Variants in CLSTN2 observed in about 807,000 individuals in gnomAD.
CLSTN2 encodes calsyntenin-2.
CLSTN2 carries 48 observed loss-of-function variants against 101.2 expected under a neutral mutation model. The ratio of observed to expected loss-of-function variants is 0.47; its 90% CI spans 0.38 to 0.60. CLSTN2 has a LOEUF of 0.60. Ranked by LOEUF, CLSTN2 falls within the 20% of genes least tolerant of loss-of-function variation. The pLI is 0.00. For missense variants in CLSTN2, 1,160 were observed against 1,238.2 expected, an observed-to-expected ratio of 0.94 and a Z score of 0.95; for synonymous variants, 481 against 463.6, an observed-to-expected ratio of 1.04 and a Z score of -0.48.
At chr3:139,983,441 A>G (rs1935967702) in intron 1 of CLSTN2, among the ~76,000 whole-genome samples, 1 of 152,136 alleles carries the variant, frequency 6.6e-6, no homozygotes, top group African/African-American at 2.4e-5. Context: ...TTAATTCACT[A>G]TCATAAGGTT....
In CLSTN2 at chr3:140,564,032, G is replaced by A; in HGVS notation, c.2554G>A (p.Val852Met). ...CMLVFVVAMG[V>M]YRVRIAHQHF... ...GCTTGTGTTTGTCGTGGCCATGGGT[G>A]TGTACCGGGTCCGGATCGCCCACCA... The change falls in exon 16 of 17, where the codon GTG becomes ATG. Residue 852 changes from valine to methionine, a missense_variant. By Grantham distance (21) the Val-to-Met change is conservative. Transcript: ENST00000458420. 6.2e-7 allele frequency: 1 copy of A among 1,614,190 alleles called. No individual in the cohort carries two copies. The highest frequency in any genetic ancestry group is 8.5e-7 in the Non-Finnish European group (1 of 1,180,012).
rs1347171456 is a variant in CLSTN2, at chr3:140,058,092, A to AG, written c.110-117859_110-117858insG. ...GATAAAGATGACTGCTTCCATTTAA[A>AG]AAAAAAAATTTCAAAAACTAAACAC... is the stretch of plus-strand genomic sequence containing the variant. On this transcript the variant is annotated intron_variant, in intron 1 of 16. Coordinates refer to ENST00000458420, the MANE Select transcript of CLSTN2 (RefSeq NM_022131.3). Among the ~76,000 whole-genome samples, 3 of 151,952 alleles carry AG rather than the reference A, an allele frequency of 2.0e-5. No homozygotes were observed. In the East Asian group the frequency reaches 5.8e-4, roughly 29 times the overall value.
intron 2 of CLSTN2, among the ~76,000 whole-genome samples, chr3:140,189,505 C>G (rs1039019480): frequency 2.0e-5 from 3 of 152,098 alleles, no homozygotes; most frequent in African/African-American, 7.2e-5. Context: ...CTGATGATGT[C>G]AAATGTTTTT....
At chr3:140,530,479 T>G (rs1312725286) in intron 8 of CLSTN2, among the ~76,000 whole-genome samples, 1 of 152,240 alleles carries the variant, frequency 6.6e-6, no homozygotes, top group Non-Finnish European at 1.5e-5. Flanking sequence ...AAAAAACACC[T>G]AGGAAAAACA....
intron 2 of CLSTN2, among the ~76,000 whole-genome samples, chr3:140,308,748 C>T (rs1202344890): frequency 6.6e-6 from 1 of 152,238 alleles, no homozygotes; most frequent in Non-Finnish European, 1.5e-5. Context: ...TTCAACATTT[C>T]AGAAGCACAG....
intron 2 of CLSTN2, among the ~76,000 whole-genome samples, chr3:140,368,932 A>G (rs2087822484): frequency 6.6e-6 from 1 of 152,196 alleles, no homozygotes; most frequent in South Asian, 2.1e-4. Context: ...CTTTAAAATG[A>G]AAGCATCTGG....
At chr3:140,282,126 A>G (rs1387674884) in intron 2 of CLSTN2, among the ~76,000 whole-genome samples, 5 of 152,118 alleles carry the variant, frequency 3.3e-5, no homozygotes, top group Non-Finnish European at 7.4e-5. Context: ...GCTTACTTAC[A>G]CTATGTCTCT....
chr3:140,099,519 T>A (rs1373683603), intron 1 of CLSTN2, among the ~76,000 whole-genome samples: 4 of 152,158 alleles, frequency 2.6e-5, no homozygotes, highest in African/African-American at 9.7e-5. Context: ...AAAATACATC[T>A]GCAGAGACCC....
In CLSTN2 at chr3:140,490,107, TATATATATATACACAC is replaced by T. The variant is rs1934321187; in HGVS notation, c.1344+23378_1344+23393del. Among the ~76,000 whole-genome samples, 2 of 7,052 alleles carry T rather than the reference TATATATATATACACAC, an allele frequency of 2.8e-4. 1 individual carries two copies. The highest frequency in any genetic ancestry group is 4.6e-4 in the Non-Finnish European group (2 of 4,366). The allele number at this position is 7,052 out of a possible 152,430, so 4.6% of individuals were successfully genotyped here. On this transcript the variant is annotated intron_variant, in intron 8 of 16. Transcript: ENST00000458420. ...GTGTGTGTATATATATATATATATA[TATATATATATACACAC>T]ACACACACACACACACACACACACA...
chr3:140,253,556 T>C (rs2086581012), intron 2 of CLSTN2, among the ~76,000 whole-genome samples: 1 of 152,166 alleles, frequency 6.6e-6, no homozygotes, highest in Non-Finnish European at 1.5e-5. Flanking sequence ...CACAGGCCCC[T>C]GACATGTCAG....
At chr3:140,365,362 T>C (rs1332382762) in intron 2 of CLSTN2, among the ~76,000 whole-genome samples, 1 of 152,052 alleles carries the variant, frequency 6.6e-6, no homozygotes, top group Non-Finnish European at 1.5e-5. Context: ...TAGGAGAAGA[T>C]ATTCCCATTT....
chr3:140,543,375 C>G (rs1368137243), intron 9 of CLSTN2, among the ~76,000 whole-genome samples: 1 of 152,230 alleles, frequency 6.6e-6, no homozygotes, highest in Non-Finnish European at 1.5e-5. Context: ...TTAGCTTTCC[C>G]ATAGCCGTGG....
intron 1 of CLSTN2, among the ~76,000 whole-genome samples, chr3:140,027,073 A>G (rs762772600): frequency 6.6e-6 from 1 of 152,156 alleles, no homozygotes; most frequent in South Asian, 2.1e-4. Flanking sequence ...ACTTTGAAAG[A>G]CCTTTGATCA....
intron 7 of CLSTN2, among the ~76,000 whole-genome samples, chr3:140,463,659 C>A (rs1176438002): frequency 6.6e-6 from 1 of 152,146 alleles, no homozygotes; most frequent in East Asian, 1.9e-4. Flanking sequence ...GGCCCTGATT[C>A]TTGCCCAGGG....
intron 1 of CLSTN2, among the ~76,000 whole-genome samples, chr3:139,997,501 G>T (rs566619500): frequency 3.9e-5 from 6 of 152,202 alleles, no homozygotes; most frequent in African/African-American, 7.2e-5. Flanking sequence ...ATACATTAAA[G>T]TTCCATGTAT....
chr3:140,512,510 T>A (rs537904913), intron 8 of CLSTN2, among the ~76,000 whole-genome samples: 2 of 152,326 alleles, frequency 1.3e-5, no homozygotes, highest in East Asian at 3.9e-4. Context: ...TCTGTTTTGA[T>A]TACTATAGTC....
intron 4 of CLSTN2, among the ~76,000 whole-genome samples, chr3:140,413,304 G>A (rs938204088): frequency 3.9e-5 from 6 of 152,120 alleles, no homozygotes; most frequent in Non-Finnish European, 5.9e-5. Context: ...AGGAAAAATA[G>A]ATAAGTTCCT....
At chr3:140,027,793 G>A (rs547854882) in intron 1 of CLSTN2, among the ~76,000 whole-genome samples, 28 of 152,260 alleles carry the variant, frequency 1.8e-4, no homozygotes, top group African/African-American at 4.3e-4. Context: ...TTTTGTTTCC[G>A]CAAAGATCTT....
chr3:140,423,532 C>T (rs1426823982), intron 5 of CLSTN2, among the ~76,000 whole-genome samples: 1 of 152,216 alleles, frequency 6.6e-6, no homozygotes, highest in African/African-American at 2.4e-5. Flanking sequence ...GATTTAAACA[C>T]ATGTAACATC....
Sources: gnomAD v4.1 joint callset for allele counts (sites outside exome capture counted in the v4.1 genomes callset) on GRCh38, gnomAD v4.1.1 for gene constraint, MANE v1.5 for transcripts, NCBI Gene and HGNC (gene_info 2026-07-23, HGNC 2026-07-21) for gene names.